DNAH8: variants seen among roughly 807,000 people sequenced by gnomAD.
DNAH8 encodes the protein axonemal beta dynein heavy chain 8.
In DNAH8, 382 loss-of-function variants were observed where a neutral mutation model predicts 562.1. That is an observed-to-expected ratio of 0.68 (90% CI 0.63 to 0.74). The LOEUF (loss-of-function observed/expected upper bound fraction) is 0.74, where lower values mean the gene tolerates loss of function less well. Ranked by LOEUF, DNAH8 falls within the 30% of genes least tolerant of loss-of-function variation. The pLI is 0.00. For missense variants in DNAH8, 5,203 were observed against 5,620.4 expected (o/e 0.93, Z 2.37); for synonymous variants, 1,881 against 1,919.4 (o/e 0.98, Z 0.52).
At chr6:38,733,169 G>A (rs1349285446) in intron 4 of DNAH8, among the ~76,000 whole-genome samples, 1 of 152,122 alleles carries the variant, frequency 6.6e-6, no homozygotes, top group Non-Finnish European at 1.5e-5. Context: ...TGGGATTATA[G>A]GTGTGAGATG....
At chr6:38,828,752 A>G (rs1773583683) in intron 30 of DNAH8, among the ~76,000 whole-genome samples, 1 of 152,216 alleles carries the variant, frequency 6.6e-6, no homozygotes, top group African/African-American at 2.4e-5. Flanking sequence ...CACATACCAT[A>G]AAGTTTACCA....
intron 32 of DNAH8, among the ~76,000 whole-genome samples, chr6:38,836,505 A>C (rs979689756): frequency 5.8e-5 from 8 of 138,898 alleles, no homozygotes; most frequent in South Asian, 2.3e-4. Flanking sequence ...ACAACAACAA[A>C]AAAACCATCT....
chr6:38,992,029 G>A (rs1329278340), intron 88 of DNAH8, among the ~76,000 whole-genome samples: 3 of 151,788 alleles, frequency 2.0e-5, no homozygotes, highest in African/African-American at 7.3e-5. Flanking sequence ...GCAATGGCAC[G>A]ATCTTGGCTC....
chr6:38,726,851 G>GTTTTTTTTTT (rs58557655), intron 3 of DNAH8, among the ~76,000 whole-genome samples: 5 of 63,262 alleles, frequency 7.9e-5, no homozygotes, highest in African/African-American at 1.3e-4. Flanking sequence ...GTATTCTTTA[G>GTTTTTTTTTT]TTTTTTTTTT....
At position 38,723,129 on chromosome 6, in the gene DNAH8, G is replaced by A. The variant is rs765307487; in HGVS notation, c.320G>A (p.Arg107Gln). The A allele has an allele frequency of 2.5e-6, 4 of 1,612,664 alleles. No homozygotes were observed. Among genetic ancestry groups the A allele is most frequent in the East Asian group, 2.2e-5 (1 of 44,896 alleles). ...ISEVLSLPSS[R>Q]RSSRYRRSMS... The stretch of plus-strand genomic sequence containing the variant: ...GAAGTGCTGTCCTTGCCGTCTTCCC[G>A]GAGGTCCTCCAGATACCGCCGGAGT... Residue 107 changes from arginine to glutamine, a missense_variant, in exon 2 of 93, where the codon CGG becomes CAG. Arg to Gln is a conservative substitution (Grantham distance 43, BLOSUM62 1). Transcript: ENST00000327475.
At chr6:38,806,137 C>T (rs1420320368) in intron 23 of DNAH8, among the ~76,000 whole-genome samples, 2 of 152,086 alleles carry the variant, frequency 1.3e-5, no homozygotes, top group Non-Finnish European at 2.9e-5. Flanking sequence ...CTTCTTAGTC[C>T]TCACCCTTCT....
intron 82 of DNAH8, among the ~76,000 whole-genome samples, chr6:38,966,362 A>C (rs1762970149): frequency 6.6e-6 from 1 of 152,222 alleles, no homozygotes; most frequent in African/African-American, 2.4e-5. Flanking sequence ...ATTCACACAA[A>C]AGGAATCTTA....
intron 1 of DNAH8, among the ~76,000 whole-genome samples, chr6:38,716,241 A>G (rs1009735373): frequency 5.9e-5 from 9 of 151,680 alleles, no homozygotes; most frequent in South Asian, 2.1e-4. Context: ...GATTACAGGC[A>G]TGAGCCACCA....
At chr6:38,965,065 A>AAAAATAAAATAAAATAAAAT (rs140369493) in intron 82 of DNAH8, among the ~76,000 whole-genome samples, 2 of 144,562 alleles carry the variant, frequency 1.4e-5, no homozygotes, top group Admixed American at 6.9e-5. Flanking sequence ...TTCTGTCTCA[A>AAAAATAAAATAAAATAAAAT]AAAATAAAAT....
intron 60 of DNAH8, among the ~76,000 whole-genome samples, chr6:38,897,373 T>A (rs1779775494): frequency 6.6e-6 from 1 of 152,166 alleles, no homozygotes; most frequent in South Asian, 2.1e-4. Context: ...AAGCCTGAAA[T>A]ATTTACTATC....
intron 13 of DNAH8, among the ~76,000 whole-genome samples, chr6:38,777,985 C>A (rs182281035): frequency 1.3e-5 from 2 of 152,300 alleles, no homozygotes; most frequent in East Asian, 3.9e-4. Flanking sequence ...CCACATGTCA[C>A]TTTAATTTTT....
At chr6:38,887,232 G>A (rs1165237493) in intron 57 of DNAH8, among the ~76,000 whole-genome samples, 2 of 152,134 alleles carry the variant, frequency 1.3e-5, no homozygotes, top group African/African-American at 2.4e-5. Flanking sequence ...AACATTAGAC[G>A]TAAAGGAACC....
At chr6:39,012,735 C>G (rs184728505) in intron 91 of DNAH8, 98 bp downstream of exon 91, 14 of 905,912 alleles carry the variant, frequency 1.5e-5, no homozygotes, top group Non-Finnish European at 2.5e-5. Context: ...AATATGGAGG[C>G]GTAGCTTGCT....
At chr6:38,767,268 C>T (rs1767098728) in intron 11 of DNAH8, among the ~76,000 whole-genome samples, 1 of 152,122 alleles carries the variant, frequency 6.6e-6, no homozygotes, top group Admixed American at 6.5e-5. Context: ...GAAACACCGT[C>T]TCTACTAAAA....
At chr6:39,003,696 A>G (rs933919072) in intron 88 of DNAH8, among the ~76,000 whole-genome samples, 6 of 152,204 alleles carry the variant, frequency 3.9e-5, no homozygotes, top group Non-Finnish European at 8.8e-5. Context: ...ATACAGCTAC[A>G]TCAGCATTTT....
intron 82 of DNAH8, among the ~76,000 whole-genome samples, chr6:38,967,758 T>G (rs988549200): frequency 6.6e-6 from 1 of 152,070 alleles, no homozygotes; most frequent in African/African-American, 2.4e-5. Context: ...TTTTTAAAAA[T>G]AGAAATTGAC....
At chr6:38,962,819 G>A (rs1762698814) in intron 82 of DNAH8, among the ~76,000 whole-genome samples, 2 of 152,090 alleles carry the variant, frequency 1.3e-5, no homozygotes, top group Non-Finnish European at 2.9e-5. Flanking sequence ...TAAAATAATG[G>A]CATTTGCAGC....
At chr6:38,726,581 A>C (rs997993264) in intron 3 of DNAH8, among the ~76,000 whole-genome samples, 2 of 152,226 alleles carry the variant, frequency 1.3e-5, no homozygotes, top group Non-Finnish European at 2.9e-5. Flanking sequence ...TTAAGGAAGA[A>C]TCAAGCTGCA....
Position 38,722,809 on chromosome 6 carries a change from G to A in DNAH8, c.-1G>A, listed in dbSNP as rs927029031. 2.5e-6 allele frequency: 4 copies of A among 1,578,880 alleles called. No homozygotes were observed. Among genetic ancestry groups the A allele is most frequent in the Admixed American group, 3.8e-5 (2 of 52,470 alleles). The stretch of plus-strand genomic sequence containing the variant: ...GTATAAAGCATTCCGCACGACGGGG[G>A]ATGGAGAAGGATGCTGAAGATGGCG... On this transcript the variant is annotated 5_prime_UTR_variant, in exon 2 of 93. Transcript: ENST00000327475.
Sources: gnomAD v4.1 joint callset for allele counts (sites outside exome capture counted in the v4.1 genomes callset) on GRCh38, gnomAD v4.1.1 for gene constraint, MANE v1.5 for transcripts, NCBI Gene and HGNC (gene_info 2026-07-23, HGNC 2026-07-21) for gene names.